The following BZW2 variants were observed in gnomAD, a reference collection of about 807,000 sequenced individuals.
BZW2 encodes basic leucine zipper and W2 domains 2.
Under a neutral mutation model 53.2 loss-of-function variants are expected in BZW2, and 23 were observed. The observed-to-expected ratio is 0.43, with a 90% confidence interval of 0.31 to 0.61. The LOEUF is 0.61. BZW2 is among the 20% of genes least tolerant of loss of function. The probability of loss-of-function intolerance (pLI) is 0.09; values close to 1 mark genes in which losing one functional copy is unlikely to be tolerated. For synonymous variants in BZW2, 227 were observed against 186.4 expected, an observed-to-expected ratio of 1.22 and a Z score of -1.77; for missense variants, 409 against 503.1, an observed-to-expected ratio of 0.81 and a Z score of 1.79.
At chr7:16,694,167 A>T (rs1439343611) in intron 7 of BZW2, among the ~76,000 whole-genome samples, 1 of 152,196 alleles carries the variant, frequency 6.6e-6, no homozygotes, top group Non-Finnish European at 1.5e-5. Context: ...TGAGGTGAAA[A>T]TATGAGAGCA....
Position 16,682,104 on chromosome 7 carries a change from G to T in BZW2, c.340-676G>T, listed in dbSNP as rs17169581. 2.6e-5 allele frequency among the ~76,000 whole-genome samples: 4 copies of T among 152,054 alleles called. No homozygotes were observed. In the East Asian group the frequency reaches 7.7e-4, roughly 29 times the overall value. The stretch of plus-strand genomic sequence containing the variant: ...CTTGGACTCCATCTTGATTACATTA[G>T]GAAACGAATACACCAAGAGTTGTAA... On this transcript the variant is annotated intron_variant, in intron 4 of 11. Coordinates refer to ENST00000258761, the MANE Select transcript of BZW2 (RefSeq NM_014038.3).
chr7:16,694,851 C>A lies in BZW2; in HGVS notation c.669C>A (p.Asn223Lys). The change falls in exon 8 of 12, where the codon AAC (asparagine) becomes AAA (lysine). Residue 223 changes from asparagine to lysine, a missense_variant. Transcript: ENST00000258761. The part of the protein sequence containing the change: ...DKRLLELFPV[N>K]RQSVDHFAKY... Reference sequence around the variant, plus strand: ...TTTTTCAGGAACTCTTTCCAGTTAACAGACAGAGTGTGGATCATTTTGCTA... The same window carrying A: ...TTTTTCAGGAACTCTTTCCAGTTAAAAGACAGAGTGTGGATCATTTTGCTA... 6.6e-7 allele frequency: 1 copy of A among 1,522,606 alleles called. No individual in the cohort carries two copies. The highest frequency in any genetic ancestry group is 9.0e-7 in the Non-Finnish European group (1 of 1,115,898). The allele number at this position is 1,522,606 out of a possible 1,614,324, so 94.3% of individuals were successfully genotyped here. A position where few individuals can be genotyped will look rare whatever the true frequency, so the allele number is the denominator to read the frequency against.
At chr7:16,651,086 A>G (rs1781975857) in intron 1 of BZW2, among the ~76,000 whole-genome samples, 1 of 152,242 alleles carries the variant, frequency 6.6e-6, no homozygotes, top group Admixed American at 6.5e-5. Flanking sequence ...CTGTATTAAT[A>G]TTTAAGATAG....
At chr7:16,698,746 T>C (rs1783579464) in intron 10 of BZW2, among the ~76,000 whole-genome samples, 1 of 152,196 alleles carries the variant, frequency 6.6e-6, no homozygotes, top group South Asian at 2.1e-4. Context: ...AAAATATGAA[T>C]GCTAAAGGTT....
chr7:16,694,994 C>A lies in BZW2; in HGVS notation c.812C>A (p.Pro271Gln). Residue 271 changes from proline (P) to glutamine (Q), a missense_variant, in exon 8 of 12, where the codon CCG becomes CAG. Around this residue, in one of 3 missense-constraint regions of BZW2, gnomAD observed 316 missense variants for 366.8 expected, o/e 0.86. Coordinates refer to ENST00000258761, the MANE Select transcript of BZW2 (RefSeq NM_014038.3). ...ELQERLSQEC[P>Q]IKEVVLYVKE... ...CAGGAGCGTCTTTCTCAGGAATGCCCGATCAAGGAGGTGGGAGACCACGGG... is the reference window on the plus strand; with the variant it reads ...CAGGAGCGTCTTTCTCAGGAATGCCAGATCAAGGAGGTGGGAGACCACGGG... 6.3e-7 allele frequency: 1 copy of A among 1,575,112 alleles called. No individual in the cohort carries two copies. The highest frequency in any genetic ancestry group is 2.3e-5 in the East Asian group (1 of 44,068).
intron 4 of BZW2, among the ~76,000 whole-genome samples, chr7:16,681,663 T>C (rs1336248566): frequency 6.6e-6 from 1 of 152,076 alleles, no homozygotes; most frequent in Non-Finnish European, 1.5e-5. Context: ...AAACCCCATC[T>C]CTACTAAAAA....
rs1292621885 is a variant in BZW2, at chr7:16,696,817, T to G, written c.823-98T>G. On this transcript the variant is annotated intron_variant, in intron 8 of 11. Transcript: ENST00000258761. ...AAGGAGAAGCTAAGCAGATTGTTTC[T>G]TAGCTGCCCCAAAACCTTGATTGAC... The G allele has an allele frequency of 4.7e-6, 6 of 1,266,514 alleles. No homozygotes were observed. The East Asian group carries it at 9.3e-5, about 20-fold the overall frequency. 78.5% of individuals were successfully genotyped at this position (1,266,514 alleles called of 1,614,324 possible).
At position 16,685,885 on chromosome 7, in the gene BZW2, T is replaced by TTTTTTTTTTTTTTTTTCTTTTTTTTC; in HGVS notation, c.406-10_406-9insTTTTTTCTTTTTTTTCTTTTTTTTTT. ...TTTTCTTTTTCTTTTTCTTTTTTTT[T>TTTTTTTTTTTTTTTTTCTTTTTTTTC]TTTTTTTTTTGACCCACAGCTTCTC... On this transcript the variant is annotated intron_variant, in intron 5 of 11. Coordinates refer to ENST00000258761, the MANE Select transcript of BZW2 (RefSeq NM_014038.3). 6.9e-7 allele frequency: 1 copy of TTTTTTTTTTTTTTTTTCTTTTTTTTC among 1,453,558 alleles called. No individual in the cohort carries two copies. Among genetic ancestry groups the TTTTTTTTTTTTTTTTTCTTTTTTTTC allele is most frequent in the South Asian group, 1.4e-5 (1 of 70,490 alleles). The allele number at this position is 1,453,558 out of a possible 1,614,324, so 90.0% of individuals were successfully genotyped here.
At chr7:16,685,040 C>G (rs1783071555) in intron 5 of BZW2, among the ~76,000 whole-genome samples, 1 of 151,950 alleles carries the variant, frequency 6.6e-6, no homozygotes, top group Non-Finnish European at 1.5e-5. Context: ...GATAGTGGCC[C>G]CTGAGGAATT....
At chr7:16,677,306 C>G (rs1171248687) in intron 3 of BZW2, among the ~76,000 whole-genome samples, 1 of 152,068 alleles carries the variant, frequency 6.6e-6, no homozygotes, top group Non-Finnish European at 1.5e-5. Flanking sequence ...AGTTGCAAAC[C>G]CCATGTTTAA....
intron 1 of BZW2, among the ~76,000 whole-genome samples, chr7:16,664,884 AGTATT>A (rs1782375414): frequency 6.6e-6 from 1 of 152,146 alleles, no homozygotes; most frequent in Non-Finnish European, 1.5e-5. Context: ...TTTTCCTCAA[AGTATT>A]TCATGGAGTT....
chr7:16,656,078 T>C (rs1170782439), intron 1 of BZW2, among the ~76,000 whole-genome samples: 1 of 150,694 alleles, frequency 6.6e-6, no homozygotes, highest in Non-Finnish European at 1.5e-5. Flanking sequence ...AATAGTCATA[T>C]ATATGTGTGT....
intron 4 of BZW2, among the ~76,000 whole-genome samples, chr7:16,681,794 T>G (rs1782954485): frequency 6.6e-6 from 1 of 152,176 alleles, no homozygotes; most frequent in African/African-American, 2.4e-5. Context: ...ATCGTGCCAC[T>G]GCTCAACCTT....
At position 16,685,882 on chromosome 7, in the gene BZW2, T is replaced by TC. The variant is rs746146989; in HGVS notation, c.406-23_406-22insC. ...TTTTTTTCTTTTTCTTTTTCTTTTT[T>TC]TTTTTTTTTTTTTGACCCACAGCTT... On this transcript the variant is annotated intron_variant, in intron 5 of 11. Coordinates refer to ENST00000258761, the MANE Select transcript of BZW2 (RefSeq NM_014038.3). 8.2e-6 allele frequency: 11 copies of TC among 1,344,452 alleles called. No homozygotes were observed. In the East Asian group the frequency reaches 2.4e-4, roughly 30 times the overall value. The allele number at this position is 1,344,452 out of a possible 1,614,324, so 83.3% of individuals were successfully genotyped here.
At position 16,680,132 on chromosome 7, in the gene BZW2, G is replaced by T. The variant is rs371662755; in HGVS notation, c.236-1169G>T. Among the ~76,000 whole-genome samples the T allele has an allele frequency of 1.0e-3, 159 of 152,228 alleles. 2 individuals carry two copies. The highest frequency in any genetic ancestry group is 3.6e-3 in the African/African-American group (150 of 41,552). On this transcript the variant is annotated intron_variant, in intron 3 of 11. Transcript: ENST00000258761. ...GTCATGGGTAACTGGGTTAGCAAAG[G>T]AGGGAGCAATTGTAATAGCTACCCA...
intron 2 of BZW2, among the ~76,000 whole-genome samples, chr7:16,670,705 T>C (rs1782573112): frequency 6.6e-6 from 1 of 152,168 alleles, no homozygotes; most frequent in Non-Finnish European, 1.5e-5. Context: ...CTCCTCCCAC[T>C]CCACCTAATG....
Position 16,695,017 on chromosome 7 carries a change from G to C in BZW2, c.822+13G>C. The C allele has an allele frequency of 6.4e-7, 1 of 1,559,734 alleles. No individual in the cohort carries two copies. The highest frequency in any genetic ancestry group is 2.3e-5 in the East Asian group (1 of 43,934). The stretch of plus-strand genomic sequence containing the variant: ...CCCGATCAAGGAGGTGGGAGACCAC[G>C]GGCAGACATCACCTCAATACACATG... On this transcript the variant is annotated intron_variant, in intron 8 of 11. Transcript: ENST00000258761.
Position 16,706,239 on chromosome 7 carries a change from G to C in BZW2, c.*151G>C. 1.2e-6 allele frequency: 1 copy of C among 838,716 alleles called. No homozygotes were observed. The highest frequency in any genetic ancestry group is 2.7e-5 in the East Asian group (1 of 36,804). 52.0% of individuals were successfully genotyped at this position (838,716 alleles called of 1,614,324 possible). ...CTTGTGCAGAGGGAGAAATGGTTTT[G>C]TTTTTGTTTTGTTTTTAAATGGAGC... On this transcript the variant is annotated 3_prime_UTR_variant, in exon 12 of 12. Transcript: ENST00000258761.
At position 16,670,482 on chromosome 7, in the gene BZW2, T is replaced by C. The variant is rs17169575; in HGVS notation, c.59-3930T>C. ...ACATCCAACCATGTGGTAGGGCCTT[T>C]GTGGGAATGACTTTATTTGATTTTG... On this transcript the variant is annotated intron_variant, in intron 2 of 11. Coordinates refer to ENST00000258761, the MANE Select transcript of BZW2 (RefSeq NM_014038.3). 8.9e-3 allele frequency among the ~76,000 whole-genome samples: 1,354 copies of C among 152,360 alleles called. 13 individuals carry two copies. Among genetic ancestry groups the C allele is most frequent in the African/African-American group, 0.03 (1,261 of 41,588 alleles).
Sources: allele counts gnomAD v4.1 joint callset (sites outside exome capture counted in the v4.1 genomes callset), GRCh38; gene constraint gnomAD v4.1.1; regional missense constraint gnomAD v4.1.1; transcripts MANE v1.5; gene names NCBI Gene and HGNC (gene_info 2026-07-23, HGNC 2026-07-21).